Variants in GRB10 observed in about 807,000 individuals in gnomAD.
The protein encoded by GRB10 is growth factor receptor bound protein 10.
In GRB10, 20 loss-of-function variants were observed where a neutral mutation model predicts 80.9. The observed-to-expected ratio is 0.25, with a 90% CI of 0.17 to 0.36. GRB10 has a LOEUF of 0.36. GRB10 is among the 10% of genes least tolerant of loss of function. The pLI is 1.00. For missense variants in GRB10, 548 were observed against 747.7 expected, an observed-to-expected ratio of 0.73 and a Z score of 3.12; for synonymous variants, 291 against 291.5, an observed-to-expected ratio of 1.00 and a Z score of 0.02.
At chr7:50,615,523 G>C (rs1248048257) in intron 11 of GRB10, among the ~76,000 whole-genome samples, 1 of 152,190 alleles carries the variant, frequency 6.6e-6, no homozygotes, top group Admixed American at 6.5e-5. Flanking sequence ...CACCTTCCCA[G>C]AGCCGGTTCC....
chr7:50,738,193 GAA>G (rs890666666), intron 3 of GRB10, among the ~76,000 whole-genome samples: 9 of 152,142 alleles, frequency 5.9e-5, no homozygotes, highest in African/African-American at 1.7e-4. Flanking sequence ...TGCTGTGGTT[GAA>G]AATAATATGG....
chr7:50,618,959 C>T (rs2051148680), intron 9 of GRB10, among the ~76,000 whole-genome samples: 1 of 152,160 alleles, frequency 6.6e-6, no homozygotes, highest in Non-Finnish European at 1.5e-5. Flanking sequence ...AAGAAGGAGA[C>T]CTCTACCTTC....
intron 2 of GRB10, among the ~76,000 whole-genome samples, chr7:50,777,169 G>A (rs1206084185): frequency 6.6e-6 from 1 of 152,122 alleles, no homozygotes; most frequent in Non-Finnish European, 1.5e-5. Flanking sequence ...TCTGGTGAGG[G>A]CCTCTCTCTG....
chr7:50,593,801 A>G (rs1004696095), intron 18 of GRB10, among the ~76,000 whole-genome samples: 2 of 152,136 alleles, frequency 1.3e-5, no homozygotes, highest in Admixed American at 1.3e-4. Context: ...TGGCTAATTA[A>G]TGAGCTTGGA....
intron 7 of GRB10, among the ~76,000 whole-genome samples, chr7:50,629,796 C>T (rs577454544): frequency 2.6e-4 from 40 of 152,330 alleles, no homozygotes; most frequent in African/African-American, 8.7e-4. Context: ...CCTTTAGTAA[C>T]CACCTGAGCA....
At chr7:50,614,944 G>C in intron 11 of GRB10, 64 bp from the exon 12 acceptor site, 2 of 985,876 alleles carry the variant, frequency 2.0e-6, no homozygotes, top group Non-Finnish European at 3.3e-6. Flanking sequence ...TTCACCTCTG[G>C]TAGACAGAGG....
At chr7:50,600,851 T>C (rs1232129113) in intron 17 of GRB10, among the ~76,000 whole-genome samples, 2 of 152,194 alleles carry the variant, frequency 1.3e-5, no homozygotes, top group African/African-American at 2.4e-5. Flanking sequence ...CTGGTGATAC[T>C]TCACAATATT....
chr7:50,608,722 T>C (rs897957042), intron 13 of GRB10, among the ~76,000 whole-genome samples: 1 of 152,076 alleles, frequency 6.6e-6, no homozygotes. Flanking sequence ...CCCAGTACTT[T>C]GGGAGGCCAA....
intron 7 of GRB10, among the ~76,000 whole-genome samples, chr7:50,657,577 A>G (rs911866735): frequency 6.6e-6 from 1 of 152,246 alleles, no homozygotes; most frequent in African/African-American, 2.4e-5. Flanking sequence ...TTCTATAAAT[A>G]GGGCTAGAAA....
Position 50,702,346 on chromosome 7 carries a change from G to A in GRB10, c.139+1475C>T, listed in dbSNP as rs561204061. On this transcript the variant is annotated intron_variant, in intron 5 of 18. Transcript: ENST00000401949. ...CAGTCACTGCCGGAGAAGGGAAAGCGCAGCCCTTTGTATTCCCTAGGACCT... is the reference window on the plus strand; with the variant it reads ...CAGTCACTGCCGGAGAAGGGAAAGCACAGCCCTTTGTATTCCCTAGGACCT... Among the ~76,000 whole-genome samples the A allele has an allele frequency of 1.4e-4, 22 of 152,364 alleles. 1 individual carries two copies. The South Asian group carries it at 1.7e-3, about 11-fold the overall frequency.
In GRB10 at chr7:50,703,847, T is replaced by C. The variant is rs910294809; in HGVS notation, c.113A>G (p.Gln38Arg). ...QDPAGPGLPAQSDRLANHQED... is the reference protein window; with the variant it reads ...QDPAGPGLPARSDRLANHQED... ...CTGGTGATTCGCAAGTCGGTCAGAC[T>C]GTGCGGGGAGTCCTGGTCCTGCCGG... The change falls in exon 5 of 19, where the codon CAG becomes CGG. Residue 38 changes from glutamine to arginine, a missense_variant. Physicochemically the swap from Gln to Arg is conservative, Grantham distance 43 (BLOSUM62 1). Around this residue, in one of 4 missense-constraint regions of GRB10, gnomAD observed 245 missense variants for 229.3 expected, o/e 1.07. Transcript: ENST00000401949. 2.5e-6 allele frequency: 4 copies of C among 1,613,318 alleles called. No individual in the cohort carries two copies. The African/African-American group carries it at 4.0e-5, about 16-fold the overall frequency.
chr7:50,655,224 G>A (rs549076567), intron 7 of GRB10, among the ~76,000 whole-genome samples: 112 of 152,266 alleles, frequency 7.4e-4, no homozygotes, highest in African/African-American at 2.6e-3. Flanking sequence ...GCCACACAAT[G>A]CTGCCCTGAC....
At chr7:50,689,544 A>G (rs2062532622) in intron 5 of GRB10, among the ~76,000 whole-genome samples, 1 of 151,074 alleles carries the variant, frequency 6.6e-6, no homozygotes, top group African/African-American at 2.4e-5. Context: ...TGGCTCCAAC[A>G]CTTGCTGAGT....
intron 7 of GRB10, among the ~76,000 whole-genome samples, chr7:50,663,168 T>C (rs1012785693): frequency 6.6e-6 from 1 of 152,196 alleles, no homozygotes; most frequent in Non-Finnish European, 1.5e-5. Context: ...AGGCCACTCC[T>C]GCTGCAGAGT....
At chr7:50,645,613 C>G (rs1046100477) in intron 7 of GRB10, 1 of 985,276 alleles carries the variant, frequency 1.0e-6, no homozygotes, top group African/African-American at 1.7e-5. Flanking sequence ...ATCCTCCAAT[C>G]GCCCGGAGTT....
intron 5 of GRB10, among the ~76,000 whole-genome samples, chr7:50,702,471 CTT>C (rs2153667247): frequency 6.6e-6 from 1 of 152,342 alleles, no homozygotes; most frequent in African/African-American, 2.4e-5. Context: ...AGGCTGAGTC[CTT>C]TTGGCTTTCC....
chr7:50,761,548 G>A (rs1265804559), intron 2 of GRB10: 3 of 152,178 alleles, frequency 2.0e-5, no homozygotes, highest in Non-Finnish European at 4.4e-5. Context: ...TAATGAAGAA[G>A]CAAAAATGAC....
upstream of GRB10, among the ~76,000 whole-genome samples, chr7:50,784,134 A>G (rs543569804): frequency 3.9e-5 from 6 of 152,336 alleles, no homozygotes; most frequent in African/African-American, 1.4e-4. Flanking sequence ...GAAACATTGA[A>G]GGTGTTAGCG....
intron 3 of GRB10, among the ~76,000 whole-genome samples, chr7:50,743,972 A>C (rs2072382906): frequency 6.6e-6 from 1 of 152,148 alleles, no homozygotes; most frequent in Non-Finnish European, 1.5e-5. Flanking sequence ...TAAAAGCCTC[A>C]CCAGAGGAAA....
Sources: allele counts gnomAD v4.1 joint callset (sites outside exome capture counted in the v4.1 genomes callset), GRCh38; gene constraint gnomAD v4.1.1; regional missense constraint gnomAD v4.1.1; transcripts MANE v1.5; gene names NCBI Gene and HGNC (gene_info 2026-07-23, HGNC 2026-07-21).